Variants in TSHZ2 observed in about 807,000 individuals in gnomAD.
TSHZ2 encodes teashirt zinc finger homeobox 2, also known as teashirt homolog 2.
TSHZ2 carries 21 observed loss-of-function variants against 74.4 expected under a neutral mutation model. That is an observed-to-expected ratio of 0.28 (90% CI 0.20 to 0.41). TSHZ2 has a LOEUF of 0.41. Ranked by LOEUF, TSHZ2 falls within the 10% of genes least tolerant of loss-of-function variation. The pLI is 1.00. For synonymous variants in TSHZ2, 540 were observed against 515.3 expected (o/e 1.05, Z -0.65); for missense variants, 1,244 against 1,293.5 (o/e 0.96, Z 0.59).
intron 2 of TSHZ2, among the ~76,000 whole-genome samples, chr20:53,446,784 G>A (rs147489211): frequency 1.1e-4 from 17 of 152,220 alleles, no homozygotes; most frequent in African/African-American, 3.9e-4. Flanking sequence ...TCCAGGGACT[G>A]ACTCTCTAGT....
At chr20:53,238,159 C>T (rs1252161440) in intron 1 of TSHZ2, among the ~76,000 whole-genome samples, 4 of 152,260 alleles carry the variant, frequency 2.6e-5, no homozygotes, top group African/African-American at 7.2e-5. Flanking sequence ...GCTTAGTTTA[C>T]TCAAACATGC....
At chr20:52,976,343 A>G (rs1981338582) in intron 1 of TSHZ2, among the ~76,000 whole-genome samples, 2 of 152,172 alleles carry the variant, frequency 1.3e-5, no homozygotes, top group South Asian at 4.1e-4. Flanking sequence ...CTATTCCACC[A>G]TACTATTACT....
chr20:53,367,003 A>C (rs917381890), intron 2 of TSHZ2, among the ~76,000 whole-genome samples: 3 of 152,156 alleles, frequency 2.0e-5, no homozygotes, highest in African/African-American at 7.2e-5. Flanking sequence ...CTAGGATCCA[A>C]GCCTGGTTCA....
intron 1 of TSHZ2, among the ~76,000 whole-genome samples, chr20:52,996,307 T>TTGTA (rs558335107): frequency 3.4e-5 from 5 of 145,340 alleles, no homozygotes; most frequent in South Asian, 4.5e-4. Flanking sequence ...CCTTTCAGGT[T>TTGTA]TTTATTTATT....
At chr20:53,403,534 CTG>C (rs375839220) in intron 2 of TSHZ2, among the ~76,000 whole-genome samples, 1 of 152,174 alleles carries the variant, frequency 6.6e-6, no homozygotes, top group Non-Finnish European at 1.5e-5. Flanking sequence ...GTAGAGAACT[CTG>C]TGTGCAGCAT....
intron 2 of TSHZ2, among the ~76,000 whole-genome samples, chr20:53,308,248 C>G (rs765650829): frequency 6.6e-6 from 1 of 152,172 alleles, no homozygotes; most frequent in Non-Finnish European, 1.5e-5. Context: ...GCATTCAGTC[C>G]TTTTTGCAGT....
At chr20:53,450,813 C>T (rs1984748651) in intron 2 of TSHZ2, among the ~76,000 whole-genome samples, 1 of 152,160 alleles carries the variant, frequency 6.6e-6, no homozygotes, top group South Asian at 2.1e-4. Context: ...TGTAATCCAC[C>T]ACTCCTGGCC....
At chr20:52,990,637 GC>G (rs1047342961) in intron 1 of TSHZ2, among the ~76,000 whole-genome samples, 4 of 152,086 alleles carry the variant, frequency 2.6e-5, no homozygotes, top group African/African-American at 9.7e-5. Flanking sequence ...GGAAGGAAGA[GC>G]CCCCCGGATT....
At chr20:53,330,369 T>C (rs536796504) in intron 2 of TSHZ2, among the ~76,000 whole-genome samples, 71 of 152,360 alleles carry the variant, frequency 4.7e-4, no homozygotes, top group African/African-American at 1.7e-3. Context: ...AGGTGATATG[T>C]AGGCTTTTTA....
At chr20:53,273,013 G>A (rs1990870057) in intron 2 of TSHZ2, among the ~76,000 whole-genome samples, 1 of 152,206 alleles carries the variant, frequency 6.6e-6, no homozygotes, top group African/African-American at 2.4e-5. Context: ...GAGTCAGGTG[G>A]CAACTTGGAA....
intron 1 of TSHZ2, among the ~76,000 whole-genome samples, chr20:53,239,413 G>A (rs901020822): frequency 1.3e-5 from 2 of 152,146 alleles, no homozygotes; most frequent in Non-Finnish European, 2.9e-5. Flanking sequence ...CAAGCAAGGA[G>A]AAAGAAGAAC....
At chr20:53,187,101 A>G (rs1056410680) in intron 1 of TSHZ2, among the ~76,000 whole-genome samples, 3 of 152,136 alleles carry the variant, frequency 2.0e-5, no homozygotes, top group African/African-American at 7.2e-5. Context: ...TTAGAATCCA[A>G]TATAGCATAG....
intron 2 of TSHZ2, among the ~76,000 whole-genome samples, chr20:53,477,976 T>A (rs74175969): frequency 7.7e-6 from 1 of 130,070 alleles, no homozygotes; most frequent in Non-Finnish European, 1.6e-5. Flanking sequence ...TATCTCACAC[T>A]AGTTAGAATG....
intron 1 of TSHZ2, among the ~76,000 whole-genome samples, chr20:53,204,996 C>T (rs1000304554): frequency 4.0e-5 from 6 of 151,036 alleles, no homozygotes; most frequent in African/African-American, 1.5e-4. Context: ...GAGGCTGAGG[C>T]AGGAGAATCA....
At chr20:53,193,961 T>C (rs1307824245) in intron 1 of TSHZ2, among the ~76,000 whole-genome samples, 2 of 152,220 alleles carry the variant, frequency 1.3e-5, no homozygotes, top group East Asian at 3.8e-4. Context: ...TCCTCCTCAG[T>C]GCTCAGACTT....
intron 1 of TSHZ2, among the ~76,000 whole-genome samples, chr20:53,070,510 G>A (rs979026143): frequency 6.6e-5 from 10 of 152,318 alleles, no homozygotes; most frequent in African/African-American, 2.4e-4. Context: ...CTCTAAAAAT[G>A]TAGATCATTT....
chr20:53,138,606 C>T (rs1243244984), intron 1 of TSHZ2, among the ~76,000 whole-genome samples: 1 of 152,010 alleles, frequency 6.6e-6, no homozygotes, highest in East Asian at 1.9e-4. Context: ...ACATATTGTT[C>T]CTTTTATCTA....
chr20:53,435,401 G>A (rs1005570452), intron 2 of TSHZ2, among the ~76,000 whole-genome samples: 27 of 152,218 alleles, frequency 1.8e-4, no homozygotes, highest in Middle Eastern at 6.8e-3. Context: ...CCCCCGCCCC[G>A]GGTAATGAGC....
intron 2 of TSHZ2, among the ~76,000 whole-genome samples, chr20:53,455,608 A>G (rs1985033966): frequency 1.3e-5 from 2 of 152,156 alleles, no homozygotes; most frequent in Middle Eastern, 6.8e-3. Context: ...ACATGTGCAC[A>G]TTGTGCAGGT....
Sources: allele counts gnomAD v4.1 joint callset (sites outside exome capture counted in the v4.1 genomes callset), GRCh38; gene constraint gnomAD v4.1.1; transcripts MANE v1.5; gene names NCBI Gene and HGNC (gene_info 2026-07-23, HGNC 2026-07-21).